Variants in TBC1D9 observed in about 807,000 individuals in gnomAD.
The protein encoded by TBC1D9 is TBC1 domain family member 9, also known as TBC1 domain family member 9A.
In TBC1D9, 63 loss-of-function variants were observed where a neutral mutation model predicts 132.0. The ratio of observed to expected loss-of-function variants is 0.48; its 90% CI spans 0.39 to 0.59. The LOEUF is 0.59. Among genes scored for constraint, TBC1D9 ranks in the 20% least tolerant of loss-of-function variants. The probability of loss-of-function intolerance (pLI) is 0.00; values close to 1 mark genes in which losing one functional copy is unlikely to be tolerated. For synonymous variants in TBC1D9, 610 were observed against 609.9 expected (o/e 1.00, Z 0.00); for missense variants, 1,261 against 1,592.7 (o/e 0.79, Z 3.54).
intron 1 of TBC1D9, among the ~76,000 whole-genome samples, chr4:140,725,034 T>C (rs1051045307): frequency 1.3e-5 from 2 of 152,208 alleles, no homozygotes; most frequent in African/African-American, 2.4e-5. Context: ...CATATACCAA[T>C]GGCCCTACGA....
intron 1 of TBC1D9, among the ~76,000 whole-genome samples, chr4:140,746,419 T>C (rs895102963): frequency 1.3e-5 from 2 of 152,148 alleles, no homozygotes; most frequent in Non-Finnish European, 2.9e-5. Flanking sequence ...GTAGAGTCCA[T>C]AGCTTTTATT....
At chr4:140,741,166 A>G (rs987131737) in intron 1 of TBC1D9, among the ~76,000 whole-genome samples, 2 of 152,200 alleles carry the variant, frequency 1.3e-5, no homozygotes, top group Admixed American at 1.3e-4. Flanking sequence ...CTTACAAAAC[A>G]GATTCTTTGT....
At chr4:140,701,657 G>T in intron 1 of TBC1D9, 43 bp from the exon 2 acceptor site, 2 of 1,492,410 alleles carry the variant, frequency 1.3e-6, no homozygotes, top group Non-Finnish European at 1.9e-6. Context: ...AATTGCCTTA[G>T]TACTTTCCCA....
At chr4:140,694,637 A>G (rs926240452) in intron 2 of TBC1D9, among the ~76,000 whole-genome samples, 1 of 149,998 alleles carries the variant, frequency 6.7e-6, no homozygotes, top group African/African-American at 2.4e-5. Flanking sequence ...CATAAAAATT[A>G]TTTTCAATAT....
At chr4:140,675,654 T>C (rs1376198807) in intron 6 of TBC1D9, among the ~76,000 whole-genome samples, 2 of 152,184 alleles carry the variant, frequency 1.3e-5, no homozygotes, top group Admixed American at 6.5e-5. Flanking sequence ...AGAATTGGCC[T>C]GTAAATGTAT....
chr4:140,650,139 T>C (rs558063584), intron 13 of TBC1D9, among the ~76,000 whole-genome samples: 35 of 152,358 alleles, frequency 2.3e-4, no homozygotes, highest in African/African-American at 8.2e-4. Context: ...GCTGATTAAA[T>C]TACAAAAAAT....
At chr4:140,638,994 C>T in intron 15 of TBC1D9, 92 bp downstream of exon 15, 2 of 911,486 alleles carry the variant, frequency 2.2e-6, no homozygotes. Flanking sequence ...TATATTATCC[C>T]TTAATTTAAC....
chr4:140,640,880 TAC>T (rs1447274220), intron 13 of TBC1D9, among the ~76,000 whole-genome samples: 3 of 150,638 alleles, frequency 2.0e-5, no homozygotes, highest in African/African-American at 7.4e-5. Flanking sequence ...AAGAAGCATA[TAC>T]ATATATGCTA....
chr4:140,745,158 G>A (rs1578865406), intron 1 of TBC1D9, among the ~76,000 whole-genome samples: 1 of 152,072 alleles, frequency 6.6e-6, no homozygotes, highest in African/African-American at 2.4e-5. Flanking sequence ...CCCCTAAAAA[G>A]TATAAATCCA....
rs541719762 is a variant in TBC1D9, at chr4:140,665,756, A to AT, written c.1588+3160_1588+3161insA. Among the ~76,000 whole-genome samples the AT allele has an allele frequency of 9.1e-4, 138 of 152,274 alleles. 2 individuals are homozygous for AT. Among genetic ancestry groups the AT allele is most frequent in the Middle Eastern group, 3.4e-3 (1 of 294 alleles). ...CAGAGGTCTGATCACAGCTCATTGC[A>AT]GCCTCAACCTCCCAGACTCAAGCAA... On this transcript the variant is annotated intron_variant, in intron 9 of 20. Transcript: ENST00000442267.
intron 13 of TBC1D9, among the ~76,000 whole-genome samples, chr4:140,653,964 G>T (rs1737226851): frequency 6.6e-6 from 1 of 152,180 alleles, no homozygotes; most frequent in East Asian, 1.9e-4. Context: ...TTTAAAAATG[G>T]GCAAAATGCT....
At chr4:140,727,775 G>T (rs897369959) in intron 1 of TBC1D9, among the ~76,000 whole-genome samples, 2 of 151,664 alleles carry the variant, frequency 1.3e-5, no homozygotes, top group African/African-American at 4.8e-5. Context: ...ATAAATGAAT[G>T]AATGAATGAG....
At chr4:140,725,526 G>A (rs540650730) in intron 1 of TBC1D9, among the ~76,000 whole-genome samples, 2 of 152,282 alleles carry the variant, frequency 1.3e-5, no homozygotes, top group South Asian at 2.1e-4. Flanking sequence ...AGGTTGTTAC[G>A]GGGAGAGTGC....
Position 140,622,820 on chromosome 4 carries a change from AGGCTGGTCACTGCT to A in TBC1D9, c.3162_3175del (p.Ala1055ProfsTer52). On this transcript the variant is annotated frameshift_variant, in exon 21 of 21. Transcript: ENST00000442267. LOFTEE classifies it high-confidence loss of function. ...GCCGACCTCCCCAATCTCCAGCAGGAGGCTGGTCACTGCTGCCGTGGCGTGGTACAGCTCCTGCT... is the reference window on the plus strand; with the variant it reads ...GCCGACCTCCCCAATCTCCAGCAGGAGCCGTGGCGTGGTACAGCTCCTGCT... 1 of 1,600,846 alleles carries A rather than the reference AGGCTGGTCACTGCT, an allele frequency of 6.2e-7. No individual in the cohort carries two copies. The highest frequency in any genetic ancestry group is 8.5e-7 in the Non-Finnish European group (1 of 1,177,334).
chr4:140,739,884 A>G (rs1055375584), intron 1 of TBC1D9, among the ~76,000 whole-genome samples: 20 of 152,228 alleles, frequency 1.3e-4, no homozygotes, highest in African/African-American at 4.8e-4. Flanking sequence ...GTAATCTAGA[A>G]GAAACAGAAT....
In TBC1D9 at chr4:140,634,090, G is replaced by C; in HGVS notation, c.2604C>G (p.Phe868Leu). 1 of 1,614,024 alleles carries C rather than the reference G, an allele frequency of 6.2e-7. No individual in the cohort carries two copies. The highest frequency in any genetic ancestry group is 1.7e-5 in the Admixed American group (1 of 60,028). The change falls in exon 16 of 21, where the codon TTC (phenylalanine) becomes TTG (leucine). Residue 868 changes from phenylalanine (F) to leucine (L), a missense_variant. Transcript: ENST00000442267. ...GAGCAAACATTCCCTTGAACTGCTC[G>C]AAGTCAATGCGATACTGTTCCAGGT... ...LPYLEQYRID[F>L]EQFKGMFALL... is the part of the protein sequence containing the mutation.
chr4:140,669,185 C>T, intron 8 of TBC1D9, 118 bp from the exon 9 acceptor site: 2 of 1,057,720 alleles, frequency 1.9e-6, no homozygotes, highest in Non-Finnish European at 2.7e-6. Flanking sequence ...AGAAAGAAGT[C>T]ATGAGAAAAA....
At chr4:140,649,391 T>C (rs568649431) in intron 13 of TBC1D9, among the ~76,000 whole-genome samples, 2 of 152,224 alleles carry the variant, frequency 1.3e-5, no homozygotes. Flanking sequence ...GTATGCAGAA[T>C]GGGGTTCACT....
chr4:140,634,644 T>G (rs1736848870), intron 15 of TBC1D9, among the ~76,000 whole-genome samples: 1 of 152,240 alleles, frequency 6.6e-6, no homozygotes, highest in Admixed American at 6.5e-5. Flanking sequence ...GTGGCTCATA[T>G]GAGGTTAACC....
Sources: allele counts gnomAD v4.1 joint callset (sites outside exome capture counted in the v4.1 genomes callset), GRCh38; gene constraint gnomAD v4.1.1; transcripts MANE v1.5; gene names NCBI Gene and HGNC (gene_info 2026-07-23, HGNC 2026-07-21).